Variants in SEC24A observed in about 807,000 individuals in gnomAD.
SEC24A encodes the protein protein transport protein Sec24A.
In SEC24A, 93 loss-of-function variants were observed where a neutral mutation model predicts 129.4. That is an observed-to-expected ratio of 0.72 (90% confidence interval 0.61 to 0.85). The LOEUF (loss-of-function observed/expected upper bound fraction) is 0.85, where lower values mean the gene tolerates loss of function less well. Among genes scored for constraint, SEC24A ranks in the 40% least tolerant of loss-of-function variants. The pLI, the probability that SEC24A is intolerant of heterozygous loss-of-function variation, is 0.00. For missense variants in SEC24A, 1,264 were observed against 1,307.4 expected, an observed-to-expected ratio of 0.97 and a Z score of 0.51; for synonymous variants, 460 against 467.3, an observed-to-expected ratio of 0.98 and a Z score of 0.20.
chr5:134,723,517 C>A, intron 21 of SEC24A, 50 bp from the exon 22 acceptor site: 1 of 1,117,800 alleles, frequency 8.9e-7, no homozygotes, highest in Non-Finnish European at 1.4e-6. Flanking sequence ...ATAGACCATA[C>A]ATTAGATATG....
intron 5 of SEC24A, 123 bp from the exon 6 acceptor site, chr5:134,674,922 A>T (rs1289896290): frequency 4.3e-6 from 5 of 1,150,238 alleles, no homozygotes; most frequent in Non-Finnish European, 6.0e-6. Context: ...GTCTTTATAC[A>T]TTTTTCCAGA....
chr5:134,701,477 A>G (rs928309809), intron 15 of SEC24A, among the ~76,000 whole-genome samples: 2 of 150,644 alleles, frequency 1.3e-5, no homozygotes, highest in South Asian at 2.1e-4. Context: ...TTTTGCATAA[A>G]CAGCTTTGGG....
rs377575182 is a variant in SEC24A at position 134,697,926 on chromosome 5, G to A, written c.2135G>A (p.Ser712Asn). The A allele has an allele frequency of 1.1e-5, 17 of 1,613,086 alleles. No individual in the cohort carries two copies. Among genetic ancestry groups the A allele is most frequent in the Middle Eastern group, 1.7e-4 (1 of 6,058 alleles). Residue 712 changes from serine (S) to asparagine (N), a missense_variant, in exon 15 of 23, where the codon AGT becomes AAT. Transcript: ENST00000398844. Reference sequence around the variant, plus strand: ...TGTATTTCTCGGTATTCAGCAGGTAGTGTCTATTACTATCCCTCTTACCAT... The same window carrying A: ...TGTATTTCTCGGTATTCAGCAGGTAATGTCTATTACTATCCCTCTTACCAT... ...LGCISRYSAG[S>N]VYYYPSYHHQ...
At chr5:134,722,983 C>T (rs563993646) in intron 21 of SEC24A, among the ~76,000 whole-genome samples, 1 of 151,794 alleles carries the variant, frequency 6.6e-6, no homozygotes, top group African/African-American at 2.4e-5. Flanking sequence ...GTGAGATACT[C>T]GTCTCTACTA....
chr5:134,658,503 G>T (rs1462899129), intron 1 of SEC24A, among the ~76,000 whole-genome samples: 1 of 152,090 alleles, frequency 6.6e-6, no homozygotes, highest in Admixed American at 6.6e-5. Context: ...GGCTCAAGCA[G>T]TCCTCTTGCC....
chr5:134,681,579 T>C (rs1398138809), intron 8 of SEC24A, among the ~76,000 whole-genome samples: 1 of 152,092 alleles, frequency 6.6e-6, no homozygotes, highest in East Asian at 1.9e-4. Flanking sequence ...AAAATTTTTA[T>C]GTGTAGGTGC....
chr5:134,690,140 T>C (rs1421133820), intron 11 of SEC24A, among the ~76,000 whole-genome samples: 1 of 152,180 alleles, frequency 6.6e-6, no homozygotes, highest in African/African-American at 2.4e-5. Flanking sequence ...TACCTCAGCC[T>C]CCTGAGTAGC....
chr5:134,708,824 C>G lies in SEC24A; in HGVS notation c.2663C>G (p.Pro888Arg). ...YRSSVLSNQQPGLMVPFSLRL... is the reference protein window; with the variant it reads ...YRSSVLSNQQRGLMVPFSLRL... ...TCTTCAGTCTTAAGTAACCAGCAGC[C>G]TGGACTCATGGTTCCTTTTTCTTTG... The change falls in exon 18 of 23, where the codon CCT becomes CGT. Residue 888 changes from proline (P) to arginine (R), a missense_variant. Pro to Arg is a moderately radical substitution (Grantham distance 103). Transcript: ENST00000398844. 6.2e-7 allele frequency: 1 copy of G among 1,614,140 alleles called. No individual in the cohort carries two copies.
At chr5:134,678,784 G>A (rs184465731) in intron 7 of SEC24A, among the ~76,000 whole-genome samples, 1 of 152,170 alleles carries the variant, frequency 6.6e-6, no homozygotes, top group Non-Finnish European at 1.5e-5. Flanking sequence ...GTTTCACCAC[G>A]TTGGCCAGGC....
Position 134,693,749 on chromosome 5 carries a change from C to T in SEC24A, c.1802C>T (p.Thr601Ile), listed in dbSNP as rs376745464. 26 of 1,613,742 alleles carry T rather than the reference C, an allele frequency of 1.6e-5. No individual in the cohort carries two copies. The highest frequency in any genetic ancestry group is 2.1e-5 in the Non-Finnish European group (25 of 1,179,928). ...SKELVQDLLK[T>I]LPQMFTKTLE... ...AAGCTCGTGCAAGATTTACTGAAAA[C>T]TTTGCCACAAATGTTTACCAAGACT... The change falls in exon 13 of 23, where the codon ACT becomes ATT. Residue 601 changes from threonine to isoleucine, a missense_variant. Physicochemically the swap from Thr to Ile is moderately conservative, Grantham distance 89. Coordinates refer to ENST00000398844, the MANE Select transcript of SEC24A (RefSeq NM_021982.3).
At chr5:134,700,050 G>T (rs1477303096) in intron 15 of SEC24A, among the ~76,000 whole-genome samples, 3 of 145,542 alleles carry the variant, frequency 2.1e-5, no homozygotes, top group Admixed American at 6.9e-5. Context: ...AACCTGGTGG[G>T]TTTTTTTTTT....
chr5:134,678,716 G>A (rs990581195), intron 7 of SEC24A, among the ~76,000 whole-genome samples: 1 of 151,940 alleles, frequency 6.6e-6, no homozygotes, highest in African/African-American at 2.4e-5. Flanking sequence ...TGAGTAGCTG[G>A]GATTATAGGC....
Position 134,671,855 on chromosome 5 carries a change from T to A in SEC24A, c.786T>A (p.Ser262Arg), listed in dbSNP as rs1202509880. The A allele has an allele frequency of 6.2e-7, 1 of 1,609,744 alleles. No homozygotes were observed. The highest frequency in any genetic ancestry group is 1.3e-5 in the African/African-American group (1 of 74,756). Residue 262 changes from serine (S) to arginine (R), a missense_variant, in exon 4 of 23, where the codon AGT becomes AGA. Coordinates refer to ENST00000398844, the MANE Select transcript of SEC24A (RefSeq NM_021982.3). The part of the protein sequence containing the change: ...TNNGSMVVHS[S>R]YDEIEGGGLL... ...ACGGATCTATGGTGGTCCACAGTAGTTACGACGAGATTGAAGGAGGTGGCT... is the reference window on the plus strand; with the variant it reads ...ACGGATCTATGGTGGTCCACAGTAGATACGACGAGATTGAAGGAGGTGGCT...
In SEC24A at chr5:134,698,031, CA is replaced by C; in HGVS notation, c.2241del (p.Val748SerfsTer2). 1 of 1,612,946 alleles carries C rather than the reference CA, an allele frequency of 6.2e-7. No individual in the cohort carries two copies. Among genetic ancestry groups the C allele is most frequent in the Non-Finnish European group, 8.5e-7 (1 of 1,179,638 alleles). On this transcript the variant is annotated frameshift_variant, in exon 15 of 23. Coordinates refer to ENST00000398844, the MANE Select transcript of SEC24A (RefSeq NM_021982.3). LOFTEE classifies it high-confidence loss of function. ...CTTACTCGGAAGATTGGCTTTGAGG[CA>C]GTCATGAGGATTCGGTGCACCAAAG... ...RYLTRKIGFEAVMRIRCTKGL... is the reference protein window; with the variant it reads ...RYLTRKIGFEXVMRIRCTKGL...
chr5:134,688,764 A>G (rs536475054), intron 11 of SEC24A, among the ~76,000 whole-genome samples: 4 of 152,016 alleles, frequency 2.6e-5, no homozygotes, highest in East Asian at 1.9e-4. Flanking sequence ...ACTGCAGCCT[A>G]TGCCTCCCGG....
chr5:134,707,845 A>G (rs1430111577), intron 17 of SEC24A, among the ~76,000 whole-genome samples: 1 of 152,138 alleles, frequency 6.6e-6, no homozygotes, highest in Non-Finnish European at 1.5e-5. Context: ...TATTGAAAGA[A>G]TGTTTTTATG....
chr5:134,720,924 A>C, intron 20 of SEC24A, 74 bp from the exon 21 acceptor site: 1 of 752,004 alleles, frequency 1.3e-6, no homozygotes, highest in East Asian at 2.7e-5. Context: ...ATAAAATAAA[A>C]ATAAAATGTA....
chr5:134,664,362 G>A (rs1750580276), intron 2 of SEC24A, among the ~76,000 whole-genome samples: 2 of 151,468 alleles, frequency 1.3e-5, no homozygotes, highest in South Asian at 4.2e-4. Context: ...TTTTTAATAG[G>A]TCACCTTTAA....
Position 134,671,834 on chromosome 5 carries a change from A to C in SEC24A, c.765A>C (p.Gly255=). The stretch of plus-strand genomic sequence containing the variant: ...GTATTACATCAAATACCAATAACGG[A>C]TCTATGGTGGTCCACAGTAGTTACG... The part of the protein sequence containing the change: ...QEGITSNTNN[G]SMVVHSSYDE... Residue 255 remains glycine, a synonymous_variant, in exon 4 of 23, where the codon GGA becomes GGC. Transcript: ENST00000398844. The C allele has an allele frequency of 1.9e-6, 3 of 1,607,608 alleles. No homozygotes were observed. Among genetic ancestry groups the C allele is most frequent in the Non-Finnish European group, 2.5e-6 (3 of 1,177,194 alleles).
Sources: allele counts gnomAD v4.1 joint callset (sites outside exome capture counted in the v4.1 genomes callset), GRCh38; gene constraint gnomAD v4.1.1; transcripts MANE v1.5; gene names NCBI Gene and HGNC (gene_info 2026-07-23, HGNC 2026-07-21).